The following MYH10 variants were observed in gnomAD, a reference collection of about 807,000 sequenced individuals.
MYH10 encodes myosin-10.
MYH10 carries 55 observed loss-of-function variants against 257.8 expected under a neutral mutation model. The ratio of observed to expected loss-of-function variants is 0.21; its 90% CI spans 0.17 to 0.27. The LOEUF is 0.27. Ranked by LOEUF, MYH10 falls within the 10% of genes least tolerant of loss-of-function variation. MYH10 has a pLI of 1.00. For synonymous variants in MYH10, 854 were observed against 921.7 expected (o/e 0.93, Z 1.33); for missense variants, 1,631 against 2,500.6 (o/e 0.65, Z 7.42).
Position 8,570,505 on chromosome 17 carries a change from T to C in MYH10, c.664-693A>G, listed in dbSNP as rs1161162922. On this transcript the variant is annotated intron_variant, in intron 6 of 42. Transcript: ENST00000360416. The stretch of plus-strand genomic sequence containing the variant: ...TACGTACTTTAATCATGAAACACAA[T>C]AGAAAGCTGTATGAGAAAGCATGAT... Among the ~76,000 whole-genome samples the C allele has an allele frequency of 2.0e-5, 3 of 152,148 alleles. 1 individual carries two copies. The highest frequency in any genetic ancestry group is 4.4e-5 in the Non-Finnish European group (3 of 68,002).
intron 36 of MYH10, among the ~76,000 whole-genome samples, chr17:8,484,534 AC>A (rs1914433994): frequency 6.6e-6 from 1 of 152,228 alleles, no homozygotes; most frequent in South Asian, 2.1e-4. Flanking sequence ...TCGTAAGAAA[AC>A]TACAGATCAA....
chr17:8,561,448 C>G, intron 7 of MYH10: 1 of 1,160,908 alleles, frequency 8.6e-7, no homozygotes, highest in Non-Finnish European at 1.3e-6. Flanking sequence ...GCTACATTAC[C>G]GTGTGAGTTG....
At chr17:8,538,595 T>G (rs1176138833) in intron 14 of MYH10, among the ~76,000 whole-genome samples, 1 of 152,224 alleles carries the variant, frequency 6.6e-6, no homozygotes, top group Non-Finnish European at 1.5e-5. Context: ...CATTAAATCT[T>G]GAATTCCTTC....
chr17:8,580,660 T>G (rs1369572011), intron 4 of MYH10, among the ~76,000 whole-genome samples: 1 of 152,204 alleles, frequency 6.6e-6, no homozygotes, highest in Non-Finnish European at 1.5e-5. Flanking sequence ...ACCATTACAT[T>G]TTCTACCTGG....
chr17:8,485,028 T>A (rs1322295571), intron 36 of MYH10, among the ~76,000 whole-genome samples: 1 of 152,226 alleles, frequency 6.6e-6, no homozygotes, highest in Non-Finnish European at 1.5e-5. Context: ...CTAGTTCAAT[T>A]TGCAGATGAT....
intron 1 of MYH10, 148 bp from the exon 2 acceptor site, chr17:8,623,425 G>A (rs999121539): frequency 4.1e-5 from 26 of 630,428 alleles, no homozygotes; most frequent in Non-Finnish European, 5.8e-5. Context: ...CATACTAACC[G>A]AGTTTCCAAG....
chr17:8,488,035 G>A (rs1915165677), intron 35 of MYH10, among the ~76,000 whole-genome samples: 1 of 152,144 alleles, frequency 6.6e-6, no homozygotes, highest in Non-Finnish European at 1.5e-5. Flanking sequence ...ATGTTGCAGG[G>A]GTGTCAGAAC....
intron 4 of MYH10, among the ~76,000 whole-genome samples, chr17:8,578,869 C>T (rs1567930863): frequency 6.6e-6 from 1 of 152,054 alleles, no homozygotes; most frequent in African/African-American, 2.4e-5. Flanking sequence ...AAAAAAAACA[C>T]CCCAAACTCA....
At chr17:8,588,551 T>C (rs960202819) in intron 4 of MYH10, among the ~76,000 whole-genome samples, 2 of 152,236 alleles carry the variant, frequency 1.3e-5, no homozygotes, top group African/African-American at 4.8e-5. Context: ...TCTAGGTTCA[T>C]AACTACTTCT....
rs2083564143 is a variant in MYH10 at position 8,578,019 on chromosome 17, T to A, written c.531-681A>T. 2.0e-5 allele frequency among the ~76,000 whole-genome samples: 3 copies of A among 152,070 alleles called. No individual in the cohort carries two copies. The South Asian group carries it at 6.2e-4, about 32-fold the overall frequency. On this transcript the variant is annotated intron_variant, in intron 4 of 42. Coordinates refer to ENST00000360416, the MANE Select transcript of MYH10 (RefSeq NM_001256012.3). ...ACAGAGAATCCCTAAAACAATTAAA[T>A]TAATATGATTTAATCTGAAGCAGCT...
At chr17:8,514,018 C>T in intron 21 of MYH10, 124 bp from the exon 22 acceptor site, 1 of 869,020 alleles carries the variant, frequency 1.2e-6, no homozygotes, top group Non-Finnish European at 1.8e-6. Context: ...TTGCATCAAT[C>T]AAGTCCTGGG....
At position 8,476,498 on chromosome 17, in the gene MYH10, ATT is replaced by A. The variant is rs1407894078; in HGVS notation, c.5879+376_5879+377del. 2.6e-5 allele frequency among the ~76,000 whole-genome samples: 4 copies of A among 151,942 alleles called. No homozygotes were observed. In the East Asian group the frequency reaches 5.8e-4, roughly 22 times the overall value. On this transcript the variant is annotated intron_variant, in intron 42 of 42. Coordinates refer to ENST00000360416, the MANE Select transcript of MYH10 (RefSeq NM_001256012.3). The stretch of plus-strand genomic sequence containing the variant: ...CCTCTCACTGGTACAGAGCAGATCC[ATT>A]GTGGTGAGGAGGACGGTGCTGAGGA...
intron 9 of MYH10, among the ~76,000 whole-genome samples, chr17:8,549,652 C>CT (rs1415713781): frequency 6.6e-6 from 1 of 152,214 alleles, no homozygotes; most frequent in Non-Finnish European, 1.5e-5. Flanking sequence ...CTGCTGCTTT[C>CT]TTTTTCTATT....
intron 37 of MYH10, among the ~76,000 whole-genome samples, chr17:8,483,332 A>G (rs1437193126): frequency 1.3e-5 from 2 of 152,184 alleles, no homozygotes; most frequent in Non-Finnish European, 2.9e-5. Flanking sequence ...AAATGGTGAG[A>G]TAGAGGACAG....
chr17:8,479,662 C>T (rs930738766), intron 40 of MYH10, among the ~76,000 whole-genome samples: 1 of 152,250 alleles, frequency 6.6e-6, no homozygotes, highest in Non-Finnish European at 1.5e-5. Context: ...CTGCCAGCAG[C>T]TGTACTGTAC....
chr17:8,590,332 A>G (rs2084075983), intron 3 of MYH10, among the ~76,000 whole-genome samples: 1 of 152,002 alleles, frequency 6.6e-6, no homozygotes, highest in African/African-American at 2.4e-5. Context: ...TCTTTTTTTC[A>G]GACAGAGTCT....
rs148333895 is a variant in MYH10 at position 8,546,658 on chromosome 17, C to T, written c.1164G>A (p.Ala388=). The T allele has an allele frequency of 2.7e-4, 443 of 1,612,176 alleles. 2 individuals are homozygous for T. Among genetic ancestry groups the T allele is most frequent in the South Asian group, 1.5e-3 (139 of 90,944 alleles). ...TCCCAAGAAGATGGCAGAGCTTCTGCGCAACTGAAGTGTAAAAAGTCTCCT... is the reference window on the plus strand; with the variant it reads ...TCCCAAGAAGATGGCAGAGCTTCTGTGCAACTGAAGTGTAAAAAGTCTCCT... The part of the protein sequence containing the change: ...DQASMPENTV[A]QKLCHLLGMN... Residue 388 remains alanine (A), a synonymous_variant, in exon 12 of 43, where the codon GCG becomes GCA. Coordinates refer to ENST00000360416, the MANE Select transcript of MYH10 (RefSeq NM_001256012.3).
intron 2 of MYH10, among the ~76,000 whole-genome samples, chr17:8,621,458 C>A (rs145186770): frequency 2.1e-3 from 315 of 152,232 alleles, no homozygotes; most frequent in Non-Finnish European, 2.7e-3. Context: ...CAAAGCCCCC[C>A]ACACTCACAG....
At chr17:8,597,386 T>C (rs2084418053) in intron 3 of MYH10, among the ~76,000 whole-genome samples, 1 of 150,898 alleles carries the variant, frequency 6.6e-6, no homozygotes, top group East Asian at 2.0e-4. Flanking sequence ...TTCTTACTTA[T>C]TAATAATTAT....
Sources: allele counts gnomAD v4.1 joint callset (sites outside exome capture counted in the v4.1 genomes callset), GRCh38; gene constraint gnomAD v4.1.1; transcripts MANE v1.5; gene names NCBI Gene and HGNC (gene_info 2026-07-23, HGNC 2026-07-21).